The following SLC6A12 variants were observed in gnomAD, a reference collection of about 807,000 sequenced individuals.
SLC6A12 encodes solute carrier family 6 member 12.
Under a neutral mutation model 73.3 loss-of-function variants are expected in SLC6A12, and 50 were observed. The observed-to-expected ratio is 0.68, with a 90% CI of 0.54 to 0.86. The LOEUF (loss-of-function observed/expected upper bound fraction) is 0.86. SLC6A12 is among the 40% of genes least tolerant of loss of function. The pLI, the probability that SLC6A12 is intolerant of heterozygous loss-of-function variation, is 0.00. For synonymous variants in SLC6A12, 304 were observed against 309.2 expected (o/e 0.98, Z 0.18); for missense variants, 648 against 772.8 (o/e 0.84, Z 1.92).
chr12:194,361 C>T (rs555457522), intron 13 of SLC6A12, among the ~76,000 whole-genome samples: 1 of 152,370 alleles, frequency 6.6e-6, no homozygotes, highest in South Asian at 2.1e-4. Context: ...GTCTTTTCTA[C>T]TCATGGCTGT....
chr12:189,236 G>A (rs1268927488), downstream of SLC6A12, among the ~76,000 whole-genome samples: 1 of 152,104 alleles, frequency 6.6e-6, no homozygotes, highest in Non-Finnish European at 1.5e-5. Context: ...CCCGGGGGAG[G>A]GCGGCGGGGA....
At chr12:199,106 T>G (rs1050712291) in intron 7 of SLC6A12, 175 bp from the exon 8 acceptor site, 2 of 358,740 alleles carry the variant, frequency 5.6e-6, no homozygotes, top group South Asian at 2.3e-5. Context: ...AGTGGGTCTG[T>G]GCTCCCCCCA....
chr12:197,792 G>A (rs1939996384), intron 9 of SLC6A12, 108 bp downstream of exon 9: 6 of 777,980 alleles, frequency 7.7e-6, no homozygotes, highest in South Asian at 6.9e-5. Context: ...CTGATACAAC[G>A]TATAATGAAT....
At chr12:192,186 G>C (rs1457968367) in intron 15 of SLC6A12, among the ~76,000 whole-genome samples, 1 of 152,208 alleles carries the variant, frequency 6.6e-6, no homozygotes, top group Non-Finnish European at 1.5e-5. Context: ...GTTCATGTTT[G>C]TGACTTAGTT....
chr12:197,751 T>G, intron 9 of SLC6A12, 149 bp downstream of exon 9: 1 of 659,974 alleles, frequency 1.5e-6, no homozygotes, highest in Non-Finnish European at 2.6e-6. Context: ...AGGAAGACAT[T>G]TAGTCTGGGA....
At chr12:187,891 T>A (rs1266999895), downstream of SLC6A12, among the ~76,000 whole-genome samples, 1 of 152,152 alleles carries the variant, frequency 6.6e-6, no homozygotes, top group African/African-American at 2.4e-5. Flanking sequence ...ATACAGAGTG[T>A]GGATTGGTGC....
chr12:184,100 A>G, the SLC6A12 span, among the ~76,000 whole-genome samples: 2 of 152,330 alleles, frequency 1.3e-5, no homozygotes, highest in South Asian at 4.2e-4. Flanking sequence ...TAACAAAAAA[A>G]AATATGCCAT....
chr12:193,480 G>C, intron 13 of SLC6A12, 103 bp from the exon 14 acceptor site: 1 of 799,136 alleles, frequency 1.3e-6, no homozygotes, highest in Non-Finnish European at 2.1e-6. Flanking sequence ...CCTCACCCCC[G>C]CCCTGTGCAG....
At chr12:200,085 T>C (rs1241120613) in intron 7 of SLC6A12, among the ~76,000 whole-genome samples, 1 of 151,630 alleles carries the variant, frequency 6.6e-6, no homozygotes, top group African/African-American at 2.4e-5. Flanking sequence ...ATTTTTCTGT[T>C]TCTAATTTGC....
chr12:213,547 A>G lies in SLC6A12; in HGVS notation c.-143+375T>C, dbSNP rs754399740. On this transcript the variant is annotated intron_variant, in intron 1 of 15. Transcript: ENST00000684302. The surrounding 1 kb of genome is among the most constrained non-coding windows in gnomAD (Gnocchi z 5.3). ...TATTGCAGTTCCTGGGCCCTCGGGA[A>G]TGCCCCGAGGTTTCTCCTGTCCACT... 1.0e-3 allele frequency: 152 copies of G among 152,514 alleles called. No individual in the cohort carries two copies. Among genetic ancestry groups the G allele is most frequent in the Non-Finnish European group, 7.0e-4 (48 of 68,110 alleles). 9.4% of individuals were successfully genotyped at this position (152,514 alleles called of 1,614,324 possible). A position where few individuals can be genotyped will look rare whatever the true frequency, so the allele number is the denominator to read the frequency against.
chr12:198,959 A>C lies in SLC6A12; in HGVS notation c.712-28T>G, dbSNP rs751030854. 1 of 1,612,798 alleles carries C rather than the reference A, an allele frequency of 6.2e-7. No homozygotes were observed. Among genetic ancestry groups the C allele is most frequent in the East Asian group, 2.2e-5 (1 of 44,854 alleles). On this transcript the variant is annotated intron_variant, in intron 7 of 15. Transcript: ENST00000684302. The surrounding 1 kb of genome is among the most constrained non-coding windows in gnomAD (Gnocchi z 4.0). ...GGAGGTGGGGGGACAGGCCAAGGTC[A>C]CTCCTGGTGGGGACGCAGTGGCCCT...
chr12:184,000 G>A, the SLC6A12 span, among the ~76,000 whole-genome samples: 1 of 152,072 alleles, frequency 6.6e-6, no homozygotes, highest in Non-Finnish European at 1.5e-5. Context: ...AGCACGGTAT[G>A]AGAAAAAGAA....
At chr12:193,116 G>T in intron 14 of SLC6A12, 161 bp downstream of exon 14, 1 of 615,948 alleles carries the variant, frequency 1.6e-6, no homozygotes, top group Non-Finnish European at 2.9e-6. Context: ...GATGGCCCCA[G>T]AAAGAAGAGC....
chr12:202,644 C>A, intron 5 of SLC6A12, 96 bp downstream of exon 5: 1 of 1,343,858 alleles, frequency 7.4e-7, no homozygotes, highest in South Asian at 1.4e-5. Context: ...CAGGCAGGTT[C>A]TGCTACACTT....
chr12:187,846 A>C (rs1939464009), downstream of SLC6A12, among the ~76,000 whole-genome samples: 1 of 152,104 alleles, frequency 6.6e-6, no homozygotes, highest in Non-Finnish European at 1.5e-5. Flanking sequence ...TGAGCTAGAC[A>C]CAAAGGTTCT....
chr12:204,583 C>T lies in SLC6A12; in HGVS notation c.330G>A (p.Lys110=). 1 of 1,614,168 alleles carries T rather than the reference C, an allele frequency of 6.2e-7. No individual in the cohort carries two copies. The highest frequency in any genetic ancestry group is 8.5e-7 in the Non-Finnish European group (1 of 1,180,016). The change falls in exon 4 of 16, where the codon AAG becomes AAA. Residue 110 remains lysine, a synonymous_variant. Transcript: ENST00000684302. ...ACATACCCTGGAAGAGGGGGCAGAT[C>T]TTCCTCCAGGCTGTGACACTCCCTT... ...TSQGSVTAWR[K]ICPLFQGIGL... is the part of the protein sequence containing the mutation.
In SLC6A12 at chr12:198,644, CTTT is replaced by C; in HGVS notation, c.846+150_846+152del. 2 of 691,524 alleles carry C rather than the reference CTTT, an allele frequency of 2.9e-6. No individual in the cohort carries two copies. Among genetic ancestry groups the C allele is most frequent in the South Asian group, 5.3e-5 (2 of 37,740 alleles). 42.8% of individuals were successfully genotyped at this position (691,524 alleles called of 1,614,324 possible). A position where few individuals can be genotyped will look rare whatever the true frequency, so the allele number is the denominator to read the frequency against. On this transcript the variant is annotated intron_variant, in intron 8 of 15. Coordinates refer to ENST00000684302, the MANE Select transcript of SLC6A12 (RefSeq NM_001122848.3). This position sits in a 1 kb window ranked among gnomAD's most constrained non-coding sequence, Gnocchi z 4.0. ...GAATTACAAGAGATTTTTTTAGTTT[CTTT>C]TTTATAGCTTTCTTCCATATTTTCT...
At position 191,265 on chromosome 12, in the gene SLC6A12, G is replaced by T. The variant is rs1485017196; in HGVS notation, c.1702-54C>A. 1.4e-5 allele frequency: 17 copies of T among 1,252,806 alleles called. No homozygotes were observed. The South Asian group carries it at 2.0e-4, about 14-fold the overall frequency. The allele number at this position is 1,252,806 out of a possible 1,614,324, so 77.6% of individuals were successfully genotyped here. A position where few individuals can be genotyped will look rare whatever the true frequency, so the allele number is the denominator to read the frequency against. ...GCTGATGGTGAGGGAGGCGCAGAAG[G>T]TTCCTCATGTGTGCAACCCCAGGGC... On this transcript the variant is annotated intron_variant, in intron 15 of 15. Coordinates refer to ENST00000684302, the MANE Select transcript of SLC6A12 (RefSeq NM_001122848.3).
downstream of SLC6A12, among the ~76,000 whole-genome samples, chr12:187,997 G>T (rs550876237): frequency 5.9e-5 from 9 of 152,304 alleles, no homozygotes; most frequent in East Asian, 1.5e-3. Context: ...TACAATCCCT[G>T]AGCTAGACAT....
Sources: allele counts gnomAD v4.1 joint callset (sites outside exome capture counted in the v4.1 genomes callset), GRCh38; gene constraint gnomAD v4.1.1; non-coding constraint Gnocchi (gnomAD v3.1); transcripts MANE v1.5; gene names NCBI Gene and HGNC (gene_info 2026-07-23, HGNC 2026-07-21).